The following TIGAR variants were observed in gnomAD, a reference collection of about 807,000 sequenced individuals.
TIGAR encodes TP53 induced glycolysis regulatory phosphatase, also known as fructose-2,6-bisphosphatase TIGAR.
A neutral mutation model predicts 17.9 loss-of-function variants in TIGAR; 7 were observed. The observed-to-expected ratio is 0.39, with a 90% CI of 0.22 to 0.73. TIGAR has a LOEUF of 0.73. Ranked by LOEUF, TIGAR falls within the 30% of genes least tolerant of loss-of-function variation. The probability of loss-of-function intolerance (pLI) is 0.42; values close to 1 mark genes in which losing one functional copy is unlikely to be tolerated. For synonymous variants in TIGAR, 94 were observed against 108.6 expected (o/e 0.87, Z 0.84); for missense variants, 258 against 327.4 (o/e 0.79, Z 1.64).
At chr12:4,329,473 G>T (rs1591659713) in intron 1 of TIGAR, among the ~76,000 whole-genome samples, 2 of 151,288 alleles carry the variant, frequency 1.3e-5, no homozygotes, top group African/African-American at 4.9e-5. Context: ...CGAGTAGCTG[G>T]GATTACAGAC....
chr12:4,327,254 C>T (rs554233071), intron 1 of TIGAR, among the ~76,000 whole-genome samples: 50 of 152,078 alleles, frequency 3.3e-4, no homozygotes, highest in African/African-American at 1.2e-3. Flanking sequence ...ACTAAACATA[C>T]AAAAATTAGC....
At chr12:4,333,982 T>G (rs1273912930) in intron 2 of TIGAR, among the ~76,000 whole-genome samples, 3 of 152,216 alleles carry the variant, frequency 2.0e-5, no homozygotes, top group Admixed American at 6.5e-5. Flanking sequence ...TTCTTTGTTT[T>G]TTTTTTCCCC....
At chr12:4,325,701 C>T (rs926688764) in intron 1 of TIGAR, among the ~76,000 whole-genome samples, 1 of 147,260 alleles carries the variant, frequency 6.8e-6, no homozygotes, top group South Asian at 2.1e-4. Flanking sequence ...CAGATTGCGC[C>T]GTTGCACTCC....
At chr12:4,326,838 T>A (rs1864551419) in intron 1 of TIGAR, among the ~76,000 whole-genome samples, 1 of 152,230 alleles carries the variant, frequency 6.6e-6, no homozygotes, top group Non-Finnish European at 1.5e-5. Context: ...GCCAAATTTC[T>A]GTGATTTGTA....
intron 2 of TIGAR, 70 bp from the exon 3 acceptor site, chr12:4,336,969 C>T: frequency 2.9e-6 from 4 of 1,388,878 alleles, no homozygotes; most frequent in Non-Finnish European, 3.8e-6. Flanking sequence ...CTTATATTTT[C>T]TACATGTGAT....
chr12:4,328,501 T>C (rs1864570111), intron 1 of TIGAR, among the ~76,000 whole-genome samples: 1 of 151,838 alleles, frequency 6.6e-6, no homozygotes, highest in South Asian at 2.1e-4. Flanking sequence ...CTAGGTAATC[T>C]TTTATTAATA....
intron 3 of TIGAR, among the ~76,000 whole-genome samples, chr12:4,343,476 G>C (rs905761126): frequency 6.6e-6 from 1 of 152,146 alleles, no homozygotes; most frequent in Non-Finnish European, 1.5e-5. Flanking sequence ...TGACCACATA[G>C]TTGGAAGTAA....
At chr12:4,344,076 C>T (rs1244441265) in intron 3 of TIGAR, among the ~76,000 whole-genome samples, 1 of 152,110 alleles carries the variant, frequency 6.6e-6, no homozygotes, top group Admixed American at 6.5e-5. Flanking sequence ...ATACGAACTA[C>T]CATCAGAGAA....
At chr12:4,330,507 AT>A (rs1420354912) in intron 1 of TIGAR, among the ~76,000 whole-genome samples, 1 of 152,168 alleles carries the variant, frequency 6.6e-6, no homozygotes, top group Non-Finnish European at 1.5e-5. Flanking sequence ...TTTCAGCTGA[AT>A]TCTCTTTGAT....
At chr12:4,342,433 G>A (rs1162419518) in intron 3 of TIGAR, among the ~76,000 whole-genome samples, 2 of 152,160 alleles carry the variant, frequency 1.3e-5, no homozygotes, top group East Asian at 1.9e-4. Context: ...ATGCATAATT[G>A]TCAGATTCAC....
chr12:4,347,648 G>A (rs1334334834), intron 3 of TIGAR, among the ~76,000 whole-genome samples: 2 of 152,046 alleles, frequency 1.3e-5, no homozygotes, highest in Non-Finnish European at 2.9e-5. Context: ...GTATCAAAGT[G>A]TCTCATGTGC....
Position 4,358,568 on chromosome 12 carries a change from T to A in TIGAR, c.*5877T>A, listed in dbSNP as rs1216409928. 6.6e-6 allele frequency among the ~76,000 whole-genome samples: 1 copy of A among 152,206 alleles called. No individual in the cohort carries two copies. Among genetic ancestry groups the A allele is most frequent in the Admixed American group, 6.5e-5 (1 of 15,290 alleles). ...ACTTTGAGTCCTCATACTCTTCCCC[T>A]ATAAAATTTCAATGTGTGTTTCCTG... On this transcript the variant is annotated 3_prime_UTR_variant, in exon 6 of 6. Coordinates refer to ENST00000179259, the MANE Select transcript of TIGAR (RefSeq NM_020375.3).
chr12:4,353,008 A>T lies in TIGAR; in HGVS notation c.*317A>T. On this transcript the variant is annotated 3_prime_UTR_variant, in exon 6 of 6. Coordinates refer to ENST00000179259, the MANE Select transcript of TIGAR (RefSeq NM_020375.3). ...ACCTTGTTACAACGGTTTCTTTTTC[A>T]TTTTAGCCTATTTTAATGGCTATTG... 3.7e-6 allele frequency: 1 copy of T among 267,398 alleles called. No individual in the cohort carries two copies. The highest frequency in any genetic ancestry group is 7.1e-6 in the Non-Finnish European group (1 of 140,826). The allele number at this position is 267,398 out of a possible 1,614,324, so 16.6% of individuals were successfully genotyped here. A position where few individuals can be genotyped will look rare whatever the true frequency, so the allele number is the denominator to read the frequency against.
intron 5 of TIGAR, 133 bp downstream of exon 5, chr12:4,351,510 AATT>A: frequency 1.5e-6 from 1 of 671,466 alleles, no homozygotes; most frequent in Non-Finnish European, 2.5e-6. Context: ...TTACTTAGCA[AATT>A]ATTCTTTTCT....
Position 4,359,880 on chromosome 12 carries a change from T to A in TIGAR, c.*7189T>A, listed in dbSNP as rs544530043. On this transcript the variant is annotated 3_prime_UTR_variant, in exon 6 of 6. Coordinates refer to ENST00000179259, the MANE Select transcript of TIGAR (RefSeq NM_020375.3). ...GCCAACATTTGTTATTATCAGTTTC[T>A]AAAATTTTAGCCATTCTGATTGTTG... Among the ~76,000 whole-genome samples the A allele has an allele frequency of 4.0e-3, 612 of 152,348 alleles. 6 individuals are homozygous for A. The highest frequency in any genetic ancestry group is 0.013 in the African/African-American group (555 of 41,586).
chr12:4,349,574 C>T (rs746393969), intron 3 of TIGAR, among the ~76,000 whole-genome samples: 2 of 152,094 alleles, frequency 1.3e-5, no homozygotes, highest in East Asian at 1.9e-4. Flanking sequence ...CGTGCCACCA[C>T]ATCCGGCTAA....
intron 1 of TIGAR, chr12:4,324,323 C>CTG: frequency 3.2e-6 from 2 of 628,018 alleles, no homozygotes; most frequent in South Asian, 3.8e-5. Context: ...ATTTAACTTC[C>CTG]TTTTTTTTTT....
In TIGAR at chr12:4,331,648, A is replaced by G. The variant is rs192863479; in HGVS notation, c.70+331A>G. 2.1e-3 allele frequency among the ~76,000 whole-genome samples: 325 copies of G among 152,362 alleles called. 1 individual carries two copies. The highest frequency in any genetic ancestry group is 7.3e-3 in the African/African-American group (302 of 41,588). ...ATTTGAAATTATTTTATATTTGGAA[A>G]CATGAAGTTTACTGACTGGTGTTAA... On this transcript the variant is annotated intron_variant, in intron 2 of 5. Coordinates refer to ENST00000179259, the MANE Select transcript of TIGAR (RefSeq NM_020375.3).
intron 3 of TIGAR, among the ~76,000 whole-genome samples, chr12:4,348,012 T>A (rs922820346): frequency 2.0e-5 from 3 of 152,112 alleles, no homozygotes; most frequent in Non-Finnish European, 4.4e-5. Flanking sequence ...GGCACTTGCC[T>A]GTAGTCCCAG....
Sources: gnomAD v4.1 joint callset for allele counts (sites outside exome capture counted in the v4.1 genomes callset) on GRCh38, gnomAD v4.1.1 for gene constraint, MANE v1.5 for transcripts, NCBI Gene and HGNC (gene_info 2026-07-23, HGNC 2026-07-21) for gene names.